GIPC2: variants seen among roughly 807,000 people sequenced by gnomAD.
GIPC2 encodes the protein PDZ domain-containing protein GIPC2.
A neutral mutation model predicts 30.6 loss-of-function variants in GIPC2; 30 were observed. The ratio of observed to expected loss-of-function variants is 0.98; its 90% CI spans 0.73 to 1.33. The LOEUF is 1.33. Among genes scored for constraint, GIPC2 ranks in the 40% most tolerant of loss-of-function variants. The pLI is 0.00. For missense variants in GIPC2, 414 were observed against 390.3 expected (o/e 1.06, Z -0.51); for synonymous variants, 167 against 150.0 (o/e 1.11, Z -0.83).
chr1:78,053,355 C>T (rs1381740586), intron 1 of GIPC2, among the ~76,000 whole-genome samples: 1 of 152,156 alleles, frequency 6.6e-6, no homozygotes, highest in Non-Finnish European at 1.5e-5. Flanking sequence ...GCACCCTATC[C>T]AGAACAAACC....
chr1:78,066,437 GAGTGTA>G (rs1661513127), intron 1 of GIPC2, among the ~76,000 whole-genome samples: 1 of 152,184 alleles, frequency 6.6e-6, no homozygotes, highest in Non-Finnish European at 1.5e-5. Flanking sequence ...CTGTTGGTGG[GAGTGTA>G]AATTAGTTCA....
chr1:78,121,197 G>T (rs1662676074), intron 4 of GIPC2, among the ~76,000 whole-genome samples: 1 of 152,162 alleles, frequency 6.6e-6, no homozygotes, highest in African/African-American at 2.4e-5. Flanking sequence ...CAAGTTTGGG[G>T]TGGCGATGGT....
chr1:78,122,551 T>A (rs1662701762), intron 4 of GIPC2, among the ~76,000 whole-genome samples: 2 of 152,126 alleles, frequency 1.3e-5, no homozygotes, highest in Non-Finnish European at 2.9e-5. Context: ...AGAGTGAGTG[T>A]GCAGGAGAAA....
intron 3 of GIPC2, among the ~76,000 whole-genome samples, chr1:78,112,765 C>T (rs1278548359): frequency 6.6e-6 from 1 of 152,210 alleles, no homozygotes; most frequent in Non-Finnish European, 1.5e-5. Flanking sequence ...TTCCATTTCC[C>T]TTTCTCTCTA....
intron 3 of GIPC2, among the ~76,000 whole-genome samples, chr1:78,099,517 C>A (rs1662200744): frequency 6.6e-6 from 1 of 151,074 alleles, no homozygotes; most frequent in Admixed American, 6.6e-5. Context: ...CAGCTCACTG[C>A]AACTTCCGCC....
chr1:78,095,308 G>A (rs1662117439), intron 3 of GIPC2, among the ~76,000 whole-genome samples, 176 bp downstream of exon 3: 1 of 152,018 alleles, frequency 6.6e-6, no homozygotes, highest in Non-Finnish European at 1.5e-5. Flanking sequence ...AACTATTGAA[G>A]GAAGAAAAAA....
chr1:78,046,131 T>A lies in GIPC2; in HGVS notation c.37T>A (p.Ser13Thr). Residue 13 changes from serine to threonine, a missense_variant, in exon 1 of 6, where the codon TCC (serine) becomes ACC (threonine). Coordinates refer to ENST00000370759, the MANE Select transcript of GIPC2 (RefSeq NM_017655.6). Reference sequence around the variant, plus strand: ...GCTGCGGGGGAAGAAGAAGGCCAAGTCCAAGGAGACCGCCGGGCTGGTGGA... The same window carrying A: ...GCTGCGGGGGAAGAAGAAGGCCAAGACCAAGGAGACCGCCGGGCTGGTGGA... The part of the protein sequence containing the change: ...LKLRGKKKAK[S>T]KETAGLVEGE... 1 of 1,525,250 alleles carries A rather than the reference T, an allele frequency of 6.6e-7. No individual in the cohort carries two copies. Among genetic ancestry groups the A allele is most frequent in the Non-Finnish European group, 8.8e-7 (1 of 1,138,976 alleles). The allele number at this position is 1,525,250 out of a possible 1,614,324, so 94.5% of individuals were successfully genotyped here.
intron 1 of GIPC2, among the ~76,000 whole-genome samples, chr1:78,047,306 C>A (rs932863992): frequency 6.6e-6 from 1 of 152,110 alleles, no homozygotes; most frequent in East Asian, 1.9e-4. Context: ...GTCTTTGAGG[C>A]CTACAGCGGC....
intron 2 of GIPC2, among the ~76,000 whole-genome samples, chr1:78,083,367 C>T (rs1661868144): frequency 6.6e-6 from 1 of 152,146 alleles, no homozygotes; most frequent in Non-Finnish European, 1.5e-5. Flanking sequence ...CTTCTCAGTG[C>T]ACCACATCAG....
intron 3 of GIPC2, among the ~76,000 whole-genome samples, chr1:78,097,213 G>A (rs1662154062): frequency 6.6e-6 from 1 of 151,766 alleles, no homozygotes; most frequent in Admixed American, 6.6e-5. Context: ...TTTTTTTCCT[G>A]TATTTTCTGG....
chr1:78,107,824 C>CAAAAAAA lies in GIPC2; in HGVS notation c.608-11542_608-11536dup, dbSNP rs35134592. Among the ~76,000 whole-genome samples, 21 of 28,768 alleles carry CAAAAAAA rather than the reference C, an allele frequency of 7.3e-4. 1 individual carries two copies. Among genetic ancestry groups the CAAAAAAA allele is most frequent in the Non-Finnish European group, 9.0e-4 (15 of 16,726 alleles). The allele number at this position is 28,768 out of a possible 152,430, so 18.9% of individuals were successfully genotyped here. ...TGGGCAACAGAGTGAAACTCTGTCT[C>CAAAAAAA]AAAAAAAAAAAAAAAAAAAAAAAAA... On this transcript the variant is annotated intron_variant, in intron 3 of 5. Transcript: ENST00000370759.
chr1:78,088,188 G>C (rs563446651), intron 2 of GIPC2, among the ~76,000 whole-genome samples: 1 of 152,184 alleles, frequency 6.6e-6, no homozygotes, highest in Non-Finnish European at 1.5e-5. Context: ...GTGGAAAACC[G>C]TATGGCAATT....
At chr1:78,115,478 A>G (rs905855464) in intron 3 of GIPC2, among the ~76,000 whole-genome samples, 4 of 152,230 alleles carry the variant, frequency 2.6e-5, no homozygotes, top group Non-Finnish European at 5.9e-5. Context: ...TATCTTCACC[A>G]CTTTAGGGAT....
intron 2 of GIPC2, among the ~76,000 whole-genome samples, chr1:78,087,179 C>A (rs899391005): frequency 1.3e-5 from 2 of 152,138 alleles, no homozygotes; most frequent in Non-Finnish European, 2.9e-5. Context: ...AATCAATTTG[C>A]AGATTCAATG....
intron 1 of GIPC2, among the ~76,000 whole-genome samples, chr1:78,049,622 A>G (rs919369547): frequency 3.9e-5 from 6 of 152,198 alleles, no homozygotes; most frequent in Admixed American, 6.5e-5. Flanking sequence ...AGAAAGGGAA[A>G]AGACTTGATG....
At chr1:78,084,166 G>A (rs1282037575) in intron 2 of GIPC2, among the ~76,000 whole-genome samples, 2 of 152,158 alleles carry the variant, frequency 1.3e-5, no homozygotes, top group African/African-American at 4.8e-5. Flanking sequence ...TGCTATTGGA[G>A]TGCATTATTT....
intron 1 of GIPC2, among the ~76,000 whole-genome samples, chr1:78,065,365 A>G (rs1167488127): frequency 3.3e-5 from 5 of 152,174 alleles, no homozygotes; most frequent in Admixed American, 2.6e-4. Flanking sequence ...AGGGAGGTGA[A>G]AGATCTCTAC....
At chr1:78,069,743 G>A (rs1210352474) in intron 1 of GIPC2, among the ~76,000 whole-genome samples, 1 of 151,978 alleles carries the variant, frequency 6.6e-6, no homozygotes, top group African/African-American at 2.4e-5. Context: ...CAAAATGCTG[G>A]GATTACAGGC....
In GIPC2 at chr1:78,109,609, T is replaced by C. The variant is rs557817591; in HGVS notation, c.608-9784T>C. Reference sequence around the variant, plus strand: ...AATAGTTTTATGAGTATTAAAAACATGTAGATAATTTTATATGCTGTTACC... The same window carrying C: ...AATAGTTTTATGAGTATTAAAAACACGTAGATAATTTTATATGCTGTTACC... On this transcript the variant is annotated intron_variant, in intron 3 of 5. Transcript: ENST00000370759. Among the ~76,000 whole-genome samples, 4 of 152,264 alleles carry C rather than the reference T, an allele frequency of 2.6e-5. No individual in the cohort carries two copies. In the South Asian group the frequency reaches 8.3e-4, roughly 32 times the overall value.
Sources: allele counts gnomAD v4.1 joint callset (sites outside exome capture counted in the v4.1 genomes callset), GRCh38; gene constraint gnomAD v4.1.1; transcripts MANE v1.5; gene names NCBI Gene and HGNC (gene_info 2026-07-23, HGNC 2026-07-21).